FSIP1: variants seen among roughly 807,000 people sequenced by gnomAD.
FSIP1 encodes the protein fibrous sheath-interacting protein 1.
In FSIP1, 65 loss-of-function variants were observed where a neutral mutation model predicts 60.9. The observed-to-expected ratio is 1.07, with a 90% CI of 0.87 to 1.31. The LOEUF (loss-of-function observed/expected upper bound fraction) is 1.31, where lower values mean the gene tolerates loss of function less well. Ranked by LOEUF, FSIP1 falls within the 40% of genes most tolerant of loss-of-function variation. The pLI, the probability that FSIP1 is intolerant of heterozygous loss-of-function variation, is 0.00. For missense variants in FSIP1, 675 were observed against 665.5 expected (o/e 1.01, Z -0.16); for synonymous variants, 209 against 221.2 (o/e 0.94, Z 0.49).
chr15:39,649,730 G>A (rs1253011310), intron 10 of FSIP1, among the ~76,000 whole-genome samples: 2 of 152,234 alleles, frequency 1.3e-5, no homozygotes, highest in Middle Eastern at 3.4e-3. Flanking sequence ...CCAACAAAGC[G>A]TTCCCTGTCG....
rs143554564 is a variant in FSIP1, at chr15:39,727,961, C to T, written c.892-1214G>A. Among the ~76,000 whole-genome samples the T allele has an allele frequency of 5.7e-3, 863 of 152,210 alleles. 4 individuals carry two copies. Among genetic ancestry groups the T allele is most frequent in the Non-Finnish European group, 8.0e-3 (545 of 68,024 alleles). On this transcript the variant is annotated intron_variant, in intron 8 of 11. Coordinates refer to ENST00000350221, the MANE Select transcript of FSIP1 (RefSeq NM_152597.5). ...AGTTTCAGGATGTAAAATCAATGTA[C>T]AAAAATCAATAACATTTCTATATAC... is the stretch of plus-strand genomic sequence containing the variant.
chr15:39,734,914 T>C (rs1896549916), intron 8 of FSIP1, among the ~76,000 whole-genome samples: 1 of 152,062 alleles, frequency 6.6e-6, no homozygotes, highest in South Asian at 2.1e-4. Flanking sequence ...ACTAAAATGA[T>C]AGAGATGACC....
At chr15:39,622,344 C>T (rs7179020) in intron 10 of FSIP1, among the ~76,000 whole-genome samples, 12,556 of 152,188 alleles carry the variant, frequency 0.083, 1,785 homozygotes, top group African/African-American at 0.29. Flanking sequence ...TATGAAAGCC[C>T]CTCTCTTCCC....
At chr15:39,670,883 C>T (rs1272407711) in intron 10 of FSIP1, among the ~76,000 whole-genome samples, 4 of 152,190 alleles carry the variant, frequency 2.6e-5, no homozygotes, top group African/African-American at 9.7e-5. Flanking sequence ...AAGTATGATA[C>T]TATTTTTCAT....
rs1011391624 is a variant in FSIP1 at position 39,625,670 on chromosome 15, C to T, written c.1189-7425G>A. ...ATCACATGTCTATCACTTCCTTTCC[C>T]GAAACAAGTCTGGGGCCCAGCTCTA... On this transcript the variant is annotated intron_variant, in intron 10 of 11. Coordinates refer to ENST00000350221, the MANE Select transcript of FSIP1 (RefSeq NM_152597.5). 5.9e-5 allele frequency among the ~76,000 whole-genome samples: 9 copies of T among 152,224 alleles called. No homozygotes were observed. The South Asian group carries it at 1.9e-3, about 32-fold the overall frequency.
At chr15:39,698,943 A>C (rs1379000207) in intron 10 of FSIP1, among the ~76,000 whole-genome samples, 1 of 152,218 alleles carries the variant, frequency 6.6e-6, no homozygotes, top group Non-Finnish European at 1.5e-5. Flanking sequence ...AATTGGTCAG[A>C]GGTAAACAGA....
intron 3 of FSIP1, among the ~76,000 whole-genome samples, chr15:39,767,801 C>T (rs1180048673): frequency 6.6e-6 from 1 of 152,178 alleles, no homozygotes; most frequent in Non-Finnish European, 1.5e-5. Flanking sequence ...CACTCCATCC[C>T]CGTTCCAGCT....
intron 10 of FSIP1, among the ~76,000 whole-genome samples, chr15:39,684,593 A>C (rs1894291167): frequency 6.6e-6 from 1 of 152,242 alleles, no homozygotes; most frequent in Admixed American, 6.5e-5. Context: ...TTTAAAAATA[A>C]ATTTTATTTT....
At chr15:39,722,931 T>TGAA (rs1165470007) in intron 9 of FSIP1, among the ~76,000 whole-genome samples, 1 of 151,350 alleles carries the variant, frequency 6.6e-6, no homozygotes, top group Non-Finnish European at 1.5e-5. Context: ...CCTTGTCTCT[T>TGAA]GAAGAAAAAA....
intron 10 of FSIP1, among the ~76,000 whole-genome samples, chr15:39,666,990 T>G (rs959359648): frequency 6.6e-6 from 1 of 152,200 alleles, no homozygotes; most frequent in Non-Finnish European, 1.5e-5. Flanking sequence ...ATTCTTCAGC[T>G]CCACCCTAAA....
intron 11 of FSIP1, among the ~76,000 whole-genome samples, chr15:39,615,821 G>A (rs1181498904): frequency 2.6e-5 from 4 of 151,960 alleles, no homozygotes; most frequent in Non-Finnish European, 2.9e-5. Context: ...AAAGGGAATG[G>A]AGAGTTGTTG....
At chr15:39,668,800 C>G (rs1316948026) in intron 10 of FSIP1, among the ~76,000 whole-genome samples, 1 of 152,172 alleles carries the variant, frequency 6.6e-6, no homozygotes, top group Non-Finnish European at 1.5e-5. Flanking sequence ...TTTTTCTTCA[C>G]ATATATTGAC....
chr15:39,692,741 G>C lies in FSIP1; in HGVS notation c.1188+20703C>G, dbSNP rs186576874. Among the ~76,000 whole-genome samples, 528 of 151,158 alleles carry C rather than the reference G, an allele frequency of 3.5e-3. 3 individuals are homozygous for C. The highest frequency in any genetic ancestry group is 0.012 in the African/African-American group (504 of 41,192). On this transcript the variant is annotated intron_variant, in intron 10 of 11. Coordinates refer to ENST00000350221, the MANE Select transcript of FSIP1 (RefSeq NM_152597.5). ...GAATGCTATTAGAGAGAAGACCCTAGGTTTAAAAAAAAAAGAAAGAAAGAA... is the reference window on the plus strand; with the variant it reads ...GAATGCTATTAGAGAGAAGACCCTACGTTTAAAAAAAAAAGAAAGAAAGAA...
intron 10 of FSIP1, among the ~76,000 whole-genome samples, chr15:39,654,551 A>G (rs1892999078): frequency 1.3e-5 from 2 of 152,256 alleles, no homozygotes; most frequent in Non-Finnish European, 2.9e-5. Context: ...AAAAACTGCT[A>G]GAGCTCTTTG....
chr15:39,662,690 T>A (rs28437905), intron 10 of FSIP1, among the ~76,000 whole-genome samples: 116,135 of 150,984 alleles, frequency 0.77, 45,684 homozygotes, highest in Non-Finnish European at 0.87. Flanking sequence ...CACTAGACTG[T>A]AAGGTTAAGA....
chr15:39,660,793 C>T (rs1566874162), intron 10 of FSIP1, among the ~76,000 whole-genome samples: 1 of 152,196 alleles, frequency 6.6e-6, no homozygotes, highest in Non-Finnish European at 1.5e-5. Flanking sequence ...GGCATGGTGG[C>T]TCACACCTGT....
chr15:39,606,913 T>C (rs1431937283), intron 11 of FSIP1, among the ~76,000 whole-genome samples: 1 of 152,188 alleles, frequency 6.6e-6, no homozygotes, highest in Non-Finnish European at 1.5e-5. Flanking sequence ...TATTAGATAA[T>C]TTGATTAAAT....
chr15:39,645,145 T>C (rs192744126), intron 10 of FSIP1, among the ~76,000 whole-genome samples: 1 of 152,236 alleles, frequency 6.6e-6, no homozygotes, highest in Non-Finnish European at 1.5e-5. Context: ...CAAGTATTGA[T>C]GAGGGCATGG....
intron 10 of FSIP1, among the ~76,000 whole-genome samples, chr15:39,622,323 T>C (rs1355328233): frequency 6.6e-6 from 1 of 152,216 alleles, no homozygotes; most frequent in Non-Finnish European, 1.5e-5. Flanking sequence ...CCAATCTCTT[T>C]TCACTCTGTA....
Sources: allele counts gnomAD v4.1 joint callset (sites outside exome capture counted in the v4.1 genomes callset), GRCh38; gene constraint gnomAD v4.1.1; transcripts MANE v1.5; gene names NCBI Gene and HGNC (gene_info 2026-07-23, HGNC 2026-07-21).